The following MINPP1 variants were observed in gnomAD, a reference collection of about 807,000 sequenced individuals.
MINPP1 encodes multiple inositol polyphosphate phosphatase 1.
In MINPP1, 28 loss-of-function variants were observed where a neutral mutation model predicts 46.1. That is an observed-to-expected ratio of 0.61 (90% CI 0.45 to 0.83). MINPP1 has a LOEUF of 0.83. Among genes scored for constraint, MINPP1 ranks in the 40% least tolerant of loss-of-function variants. The pLI is 0.00. For missense variants in MINPP1, 603 were observed against 610.0 expected (o/e 0.99, Z 0.12); for synonymous variants, 268 against 249.1 (o/e 1.08, Z -0.72).
At chr10:87,518,238 C>T (rs1319528622) in intron 3 of MINPP1, among the ~76,000 whole-genome samples, 2 of 149,516 alleles carry the variant, frequency 1.3e-5, no homozygotes, top group African/African-American at 2.5e-5. Context: ...GGATTACAGG[C>T]GTGAGCCACC....
intron 4 of MINPP1, among the ~76,000 whole-genome samples, chr10:87,545,341 A>G (rs916671108): frequency 3.1e-4 from 47 of 152,034 alleles, no homozygotes; most frequent in African/African-American, 1.1e-3. Context: ...CAAACCAAGT[A>G]TATTCTTACC....
rs563885238 is a variant in MINPP1, at chr10:87,536,732, G to A, written c.1068-15350G>A. Among the ~76,000 whole-genome samples, 14 of 152,212 alleles carry A rather than the reference G, an allele frequency of 9.2e-5. No individual in the cohort carries two copies. In the South Asian group the frequency reaches 1.0e-3, roughly 11 times the overall value. On this transcript the variant is annotated intron_variant, in intron 4 of 4. Transcript: ENST00000371996. ...ATCTGTGTTGCTGATGAATCTAATAGTTCATTCCTTTTTAAGACCAAGTAG... is the reference window on the plus strand; with the variant it reads ...ATCTGTGTTGCTGATGAATCTAATAATTCATTCCTTTTTAAGACCAAGTAG...
In MINPP1 at chr10:87,505,428, TGA is replaced by T. The variant is rs1851228946; in HGVS notation, c.516_517del (p.Asn173LeufsTer17). The T allele has an allele frequency of 6.2e-7, 1 of 1,613,466 alleles. No homozygotes were observed. The highest frequency in any genetic ancestry group is 1.3e-5 in the African/African-American group (1 of 74,934). On this transcript the variant is annotated frameshift_variant, in exon 1 of 5. Coordinates refer to ENST00000371996, the MANE Select transcript of MINPP1 (RefSeq NM_004897.5). LOFTEE classifies it high-confidence loss of function. The surrounding 1 kb of genome is among the most constrained non-coding windows in gnomAD (Gnocchi z 4.4). The stretch of plus-strand genomic sequence containing the variant: ...CGCTCTTCCCGGCCCTTTTCAGCCG[TGA>T]GAACTACGGCCGCCTGCGGCTCATC... ...ASLFPALFSR[E>X]NYGRLRLITS...
At chr10:87,550,934 C>T (rs1050360071) in intron 4 of MINPP1, among the ~76,000 whole-genome samples, 3 of 151,966 alleles carry the variant, frequency 2.0e-5, no homozygotes, top group African/African-American at 7.2e-5. Flanking sequence ...AAATACTTCC[C>T]AATTTCAGCT....
intron 4 of MINPP1, among the ~76,000 whole-genome samples, chr10:87,541,621 C>T (rs558921909): frequency 6.6e-6 from 1 of 152,266 alleles, no homozygotes; most frequent in Non-Finnish European, 1.5e-5. Flanking sequence ...GGAAGAGACA[C>T]TTAATTGGCT....
chr10:87,505,622 C>G lies in MINPP1; in HGVS notation c.637+70C>G. On this transcript the variant is annotated intron_variant, in intron 1 of 4. Transcript: ENST00000371996. The surrounding 1 kb of genome is among the most constrained non-coding windows in gnomAD (Gnocchi z 4.4). ...GCCCTGGATGCTCTCCCGCCTCCCCCAGACCCTGGGCTTTTCCGATGCCCC... is the reference window on the plus strand; with the variant it reads ...GCCCTGGATGCTCTCCCGCCTCCCCGAGACCCTGGGCTTTTCCGATGCCCC... 2 of 1,463,418 alleles carry G rather than the reference C, an allele frequency of 1.4e-6. No individual in the cohort carries two copies. Among genetic ancestry groups the G allele is most frequent in the South Asian group, 2.5e-5 (2 of 81,360 alleles). The allele number at this position is 1,463,418 out of a possible 1,614,324, so 90.7% of individuals were successfully genotyped here. A position where few individuals can be genotyped will look rare whatever the true frequency, so the allele number is the denominator to read the frequency against.
At chr10:87,512,617 C>T (rs1237881134) in intron 2 of MINPP1, among the ~76,000 whole-genome samples, 1 of 152,036 alleles carries the variant, frequency 6.6e-6, no homozygotes, top group Non-Finnish European at 1.5e-5. Flanking sequence ...TAACCTTAGC[C>T]CCCCTCCTTG....
intron 4 of MINPP1, among the ~76,000 whole-genome samples, chr10:87,544,391 T>G (rs573734428): frequency 3.9e-5 from 6 of 152,294 alleles, no homozygotes; most frequent in African/African-American, 1.4e-4. Flanking sequence ...TCCTCTTGGG[T>G]TCTTATGGAG....
chr10:87,551,302 T>A (rs1440335384), intron 4 of MINPP1, among the ~76,000 whole-genome samples: 4 of 151,904 alleles, frequency 2.6e-5, no homozygotes, highest in Non-Finnish European at 5.9e-5. Context: ...AGTCAGACAG[T>A]CATGTTTGAA....
At chr10:87,550,192 C>T (rs1057111594) in intron 4 of MINPP1, among the ~76,000 whole-genome samples, 1 of 152,122 alleles carries the variant, frequency 6.6e-6, no homozygotes, top group South Asian at 2.1e-4. Flanking sequence ...TCTTAAACCT[C>T]TCAATTTTTA....
chr10:87,535,302 G>T (rs1431670833), intron 4 of MINPP1, among the ~76,000 whole-genome samples: 1 of 152,206 alleles, frequency 6.6e-6, no homozygotes, highest in East Asian at 1.9e-4. Flanking sequence ...AGAAGGTTGA[G>T]TGGAGTTCTG....
At chr10:87,527,395 T>C (rs1432981724) in intron 4 of MINPP1, among the ~76,000 whole-genome samples, 3 of 152,194 alleles carry the variant, frequency 2.0e-5, no homozygotes, top group Non-Finnish European at 2.9e-5. Context: ...CAGTATGATA[T>C]TGGTTGTGGG....
chr10:87,551,498 C>T (rs1215408051), intron 4 of MINPP1, among the ~76,000 whole-genome samples: 1 of 151,892 alleles, frequency 6.6e-6, no homozygotes, highest in Admixed American at 6.6e-5. Flanking sequence ...GCACTTTATA[C>T]TCCCACTCCC....
intron 4 of MINPP1, 34 bp from the exon 5 acceptor site, chr10:87,552,048 A>G (rs757562635): frequency 4.0e-5 from 61 of 1,530,498 alleles, no homozygotes; most frequent in South Asian, 3.1e-4. Flanking sequence ...ACATTAATAT[A>G]TATACCTTAT....
In MINPP1 at chr10:87,516,273, A is replaced by G. The variant is rs867630613; in HGVS notation, c.933+3052A>G. ...CTTGCTTGGAACTAAAGACACTAACATAAGATAGATATTGTCCTCAAAGAA... is the reference window on the plus strand; with the variant it reads ...CTTGCTTGGAACTAAAGACACTAACGTAAGATAGATATTGTCCTCAAAGAA... On this transcript the variant is annotated intron_variant, in intron 3 of 4. Coordinates refer to ENST00000371996, the MANE Select transcript of MINPP1 (RefSeq NM_004897.5). Among the ~76,000 whole-genome samples, 5 of 104,786 alleles carry G rather than the reference A, an allele frequency of 4.8e-5. 1 individual carries two copies. The highest frequency in any genetic ancestry group is 1.1e-4 in the African/African-American group (4 of 34,842). The allele number at this position is 104,786 out of a possible 152,430, so 68.7% of individuals were successfully genotyped here. A position where few individuals can be genotyped will look rare whatever the true frequency, so the allele number is the denominator to read the frequency against.
chr10:87,542,073 A>G (rs931557372), intron 4 of MINPP1, among the ~76,000 whole-genome samples: 3 of 152,148 alleles, frequency 2.0e-5, no homozygotes, highest in Non-Finnish European at 4.4e-5. Context: ...CATTAACTCA[A>G]AAGTCCCAAG....
At chr10:87,518,899 A>G (rs778913330) in intron 3 of MINPP1, among the ~76,000 whole-genome samples, 1 of 152,188 alleles carries the variant, frequency 6.6e-6, no homozygotes, top group African/African-American at 2.4e-5. Context: ...GAAGCTCCAC[A>G]TGTTCAGCTA....
chr10:87,512,356 C>T (rs895119734), intron 2 of MINPP1, among the ~76,000 whole-genome samples: 9 of 152,102 alleles, frequency 5.9e-5, no homozygotes, highest in African/African-American at 1.7e-4. Flanking sequence ...CATGTTGGTA[C>T]CAACATTTCT....
chr10:87,508,639 C>T (rs1437910547), intron 2 of MINPP1, 106 bp downstream of exon 2: 1 of 1,103,156 alleles, frequency 9.1e-7, no homozygotes, highest in Non-Finnish European at 1.3e-6. Flanking sequence ...CATAATTGAT[C>T]TACATTAAGA....
Sources: gnomAD v4.1 joint callset for allele counts (sites outside exome capture counted in the v4.1 genomes callset) on GRCh38, gnomAD v4.1.1 for gene constraint, Gnocchi (gnomAD v3.1) non-coding constraint, MANE v1.5 for transcripts, NCBI Gene and HGNC (gene_info 2026-07-23, HGNC 2026-07-21) for gene names.